Variants in ELMO1 observed in about 807,000 individuals in gnomAD.
ELMO1 encodes the protein engulfment and cell motility protein 1.
ELMO1 carries 26 observed loss-of-function variants against 98.9 expected under a neutral mutation model. The observed-to-expected ratio is 0.26, with a 90% CI of 0.19 to 0.36. The LOEUF (loss-of-function observed/expected upper bound fraction) is 0.36, where lower values mean the gene tolerates loss of function less well. ELMO1 is among the 10% of genes least tolerant of loss of function. The pLI is 1.00. For synonymous variants in ELMO1, 346 were observed against 346.0 expected (o/e 1.00, Z 0.00); for missense variants, 627 against 935.2 (o/e 0.67, Z 4.30).
At chr7:37,150,412 C>T (rs1198222425) in intron 13 of ELMO1, among the ~76,000 whole-genome samples, 3 of 149,976 alleles carry the variant, frequency 2.0e-5, no homozygotes, top group Non-Finnish European at 4.4e-5. Context: ...ACCCAACCGT[C>T]CAGAGTCCAC....
chr7:37,372,078 C>G (rs1375973033), intron 1 of ELMO1, among the ~76,000 whole-genome samples: 6 of 151,940 alleles, frequency 3.9e-5, no homozygotes, highest in Non-Finnish European at 8.8e-5. Context: ...TAGTCATTCT[C>G]TTGACCTTTT....
At chr7:36,940,122 A>G (rs1056780880) in intron 16 of ELMO1, among the ~76,000 whole-genome samples, 2 of 152,218 alleles carry the variant, frequency 1.3e-5, no homozygotes, top group African/African-American at 2.4e-5. Flanking sequence ...GGGTGAGTGA[A>G]GAGTAAATAG....
At chr7:37,041,723 C>T (rs969393723) in intron 15 of ELMO1, among the ~76,000 whole-genome samples, 2 of 152,004 alleles carry the variant, frequency 1.3e-5, no homozygotes, top group African/African-American at 4.8e-5. Context: ...AAGCTGTGCT[C>T]GGTGGTGACC....
intron 14 of ELMO1, among the ~76,000 whole-genome samples, chr7:37,120,377 C>T (rs1785923002): frequency 6.6e-6 from 1 of 152,236 alleles, no homozygotes; most frequent in African/African-American, 2.4e-5. Flanking sequence ...CTTTCCTAGC[C>T]AAGGGAAGGG....
chr7:37,446,579 T>C (rs114148180), intron 1 of ELMO1, among the ~76,000 whole-genome samples: 2,040 of 152,208 alleles, frequency 0.013, 52 homozygotes, highest in African/African-American at 0.047. Flanking sequence ...AAAAGAAGAA[T>C]GTAAGACGGT....
At chr7:37,143,957 C>T (rs528425163) in intron 13 of ELMO1, among the ~76,000 whole-genome samples, 5 of 151,766 alleles carry the variant, frequency 3.3e-5, no homozygotes, top group African/African-American at 1.2e-4. Flanking sequence ...GTAATCCACC[C>T]GCCTTGGCCT....
chr7:36,911,893 A>G (rs1784370005), intron 16 of ELMO1, among the ~76,000 whole-genome samples: 1 of 152,112 alleles, frequency 6.6e-6, no homozygotes, highest in Non-Finnish European at 1.5e-5. Context: ...CAGTCCCCAC[A>G]TATCATTAAT....
intron 16 of ELMO1, among the ~76,000 whole-genome samples, chr7:36,954,651 C>T (rs531704543): frequency 4.9e-4 from 75 of 152,186 alleles, no homozygotes; most frequent in Admixed American, 3.7e-3. Context: ...GCAAAGGGTG[C>T]CTGCATTTTT....
intron 1 of ELMO1, among the ~76,000 whole-genome samples, chr7:37,421,104 G>A (rs1282636851): frequency 6.6e-6 from 1 of 152,220 alleles, no homozygotes; most frequent in Non-Finnish European, 1.5e-5. Flanking sequence ...CTAATGAGGA[G>A]ATGGAGCAAG....
intron 7 of ELMO1, among the ~76,000 whole-genome samples, chr7:37,242,010 A>G (rs2130693470): frequency 6.6e-6 from 1 of 152,296 alleles, no homozygotes; most frequent in African/African-American, 2.4e-5. Flanking sequence ...TCCAGTGTGA[A>G]GAACTTGCTT....
At chr7:37,058,859 A>G (rs1169406610) in intron 15 of ELMO1, among the ~76,000 whole-genome samples, 1 of 152,202 alleles carries the variant, frequency 6.6e-6, no homozygotes, top group African/African-American at 2.4e-5. Flanking sequence ...GATATCATCC[A>G]TACCCAAAAA....
At chr7:37,021,670 AAAAAG>A (rs1055108658) in intron 15 of ELMO1, among the ~76,000 whole-genome samples, 6 of 152,172 alleles carry the variant, frequency 3.9e-5, no homozygotes, top group Non-Finnish European at 7.3e-5. Context: ...CCCATTAAAA[AAAAAG>A]AAAAGAAAAG....
At chr7:37,211,769 G>A (rs971598729) in intron 12 of ELMO1, among the ~76,000 whole-genome samples, 5 of 152,178 alleles carry the variant, frequency 3.3e-5, no homozygotes, top group African/African-American at 1.2e-4. Context: ...TCTGGAGCAC[G>A]AATATTGATA....
At chr7:37,068,627 T>C (rs1174052000) in intron 15 of ELMO1, among the ~76,000 whole-genome samples, 2 of 152,184 alleles carry the variant, frequency 1.3e-5, no homozygotes, top group South Asian at 2.1e-4. Context: ...TAACATGCAA[T>C]GTCTCAGACT....
chr7:37,050,828 T>TA (rs1414215895), intron 15 of ELMO1, among the ~76,000 whole-genome samples: 1 of 148,710 alleles, frequency 6.7e-6, no homozygotes, highest in Non-Finnish European at 1.5e-5. Flanking sequence ...TTTTTTTTTT[T>TA]AATCACAACC....
intron 10 of ELMO1, among the ~76,000 whole-genome samples, chr7:37,221,229 C>G (rs1377504476): frequency 6.6e-6 from 1 of 152,138 alleles, no homozygotes; most frequent in Non-Finnish European, 1.5e-5. Flanking sequence ...AACACAGCCC[C>G]CCAGGGATGA....
chr7:37,042,905 C>T (rs1380633612), intron 15 of ELMO1, among the ~76,000 whole-genome samples: 1 of 152,226 alleles, frequency 6.6e-6, no homozygotes, highest in African/African-American at 2.4e-5. Flanking sequence ...CTGCGCATCA[C>T]ATTTTCTGAT....
At chr7:36,894,804 T>C in intron 17 of ELMO1, 50 bp downstream of exon 17, 1 of 1,610,366 alleles carries the variant, frequency 6.2e-7, no homozygotes, top group Non-Finnish European at 8.5e-7. Context: ...ATTCTAGAAA[T>C]AGTGGGTTAG....
intron 1 of ELMO1, among the ~76,000 whole-genome samples, chr7:37,422,438 C>A (rs1370522117): frequency 2.0e-5 from 3 of 152,204 alleles, no homozygotes; most frequent in African/African-American, 7.2e-5. Flanking sequence ...GCCTAAGGGA[C>A]CTGGTACAAG....
Sources: gnomAD v4.1 joint callset for allele counts (sites outside exome capture counted in the v4.1 genomes callset) on GRCh38, gnomAD v4.1.1 for gene constraint, MANE v1.5 for transcripts, NCBI Gene and HGNC (gene_info 2026-07-23, HGNC 2026-07-21) for gene names.